The following ADCY2 variants were observed in gnomAD, a reference collection of about 807,000 sequenced individuals.
The protein encoded by ADCY2 is adenylate cyclase 2.
Under a neutral mutation model 125.2 loss-of-function variants are expected in ADCY2, and 31 were observed. The observed-to-expected ratio is 0.25, with a 90% CI of 0.19 to 0.33. ADCY2 has a LOEUF of 0.33. Among genes scored for constraint, ADCY2 ranks in the 10% least tolerant of loss-of-function variants. ADCY2 has a pLI of 1.00. For synonymous variants in ADCY2, 512 were observed against 548.4 expected, an observed-to-expected ratio of 0.93 and a Z score of 0.93; for missense variants, 904 against 1,418.2, an observed-to-expected ratio of 0.64 and a Z score of 5.82.
chr5:7,534,237 C>G (rs1734744687), intron 3 of ADCY2, among the ~76,000 whole-genome samples: 1 of 152,204 alleles, frequency 6.6e-6, no homozygotes, highest in Non-Finnish European at 1.5e-5. Flanking sequence ...CTCCTGGGCA[C>G]TGCTAGCTTT....
chr5:7,412,238 G>C (rs1739752825), intron 1 of ADCY2, among the ~76,000 whole-genome samples: 1 of 152,030 alleles, frequency 6.6e-6, no homozygotes, highest in Admixed American at 6.5e-5. Flanking sequence ...AGTCTTTCTG[G>C]AGATCTAAGA....
intron 4 of ADCY2, among the ~76,000 whole-genome samples, chr5:7,671,593 A>G (rs1435637382): frequency 6.6e-6 from 1 of 152,212 alleles, no homozygotes; most frequent in Non-Finnish European, 1.5e-5. Context: ...ATATGAATCA[A>G]ACTAATTGTA....
intron 4 of ADCY2, among the ~76,000 whole-genome samples, chr5:7,683,108 G>A (rs541246274): frequency 6.6e-6 from 1 of 152,248 alleles, no homozygotes; most frequent in South Asian, 2.1e-4. Context: ...TACCAGTGTG[G>A]GCTTCAAAGT....
intron 4 of ADCY2, among the ~76,000 whole-genome samples, chr5:7,660,652 A>G (rs989931344): frequency 1.3e-5 from 2 of 152,184 alleles, no homozygotes; most frequent in Non-Finnish European, 2.9e-5. Flanking sequence ...GTTTGGAGGT[A>G]GAATTCTTTC....
chr5:7,644,538 G>A (rs984856493), intron 4 of ADCY2, among the ~76,000 whole-genome samples: 7 of 151,992 alleles, frequency 4.6e-5, no homozygotes, highest in African/African-American at 1.7e-4. Flanking sequence ...TGGATTATTG[G>A]CTTTCAATTC....
chr5:7,579,748 A>G (rs1427080386), intron 3 of ADCY2, among the ~76,000 whole-genome samples: 2 of 152,246 alleles, frequency 1.3e-5, no homozygotes, highest in Non-Finnish European at 2.9e-5. Context: ...AAAAATGACC[A>G]TGTTAAAAAA....
Position 7,757,517 on chromosome 5 carries a change from C to A in ADCY2, c.2025C>A (p.Arg675=). Residue 675 remains arginine (R), a synonymous_variant, in exon 16 of 25, where the codon CGC becomes CGA. Transcript: ENST00000338316. Reference sequence around the variant, plus strand: ...AGTCCTCGGGCATCATTGCCAACCGCCCCTGGCCACGGATCTCTCTCACGA... The same window carrying A: ...AGTCCTCGGGCATCATTGCCAACCGACCCTGGCCACGGATCTCTCTCACGA... The part of the protein sequence containing the change: ...LLKSSGIIAN[R]PWPRISLTII... 2.5e-6 allele frequency: 4 copies of A among 1,614,138 alleles called. No individual in the cohort carries two copies. Among genetic ancestry groups the A allele is most frequent in the Non-Finnish European group, 2.5e-6 (3 of 1,180,032 alleles).
chr5:7,617,164 T>C (rs1294794065), intron 3 of ADCY2, among the ~76,000 whole-genome samples: 1 of 152,174 alleles, frequency 6.6e-6, no homozygotes, highest in East Asian at 1.9e-4. Flanking sequence ...ATTCCTCCCC[T>C]GCAGAGGCTG....
At chr5:7,822,205 A>C (rs553194026) in intron 24 of ADCY2, among the ~76,000 whole-genome samples, 2 of 152,252 alleles carry the variant, frequency 1.3e-5, no homozygotes, top group African/African-American at 4.8e-5. Flanking sequence ...CATGTTCACA[A>C]GGTTTAGATG....
At chr5:7,730,394 T>A (rs941881824) in intron 14 of ADCY2, among the ~76,000 whole-genome samples, 1 of 152,216 alleles carries the variant, frequency 6.6e-6, no homozygotes, top group Admixed American at 6.5e-5. Flanking sequence ...TTCAATGTCA[T>A]TATTTCCTAG....
At chr5:7,629,822 C>T (rs564381350) in intron 4 of ADCY2, among the ~76,000 whole-genome samples, 2 of 152,226 alleles carry the variant, frequency 1.3e-5, no homozygotes, top group African/African-American at 4.8e-5. Context: ...GTAATAGGCT[C>T]TCAGGAATTA....
intron 3 of ADCY2, among the ~76,000 whole-genome samples, chr5:7,616,359 C>T (rs1271905240): frequency 6.6e-6 from 1 of 152,166 alleles, no homozygotes; most frequent in African/African-American, 2.4e-5. Context: ...ACTCTGAGAA[C>T]CTAGTGGCTG....
intron 4 of ADCY2, among the ~76,000 whole-genome samples, chr5:7,629,277 A>G (rs1281377280): frequency 1.3e-5 from 2 of 152,202 alleles, no homozygotes; most frequent in African/African-American, 2.4e-5. Context: ...TGGAGAGGAT[A>G]CAGTGGCGGG....
At chr5:7,678,324 A>G (rs1437333673) in intron 4 of ADCY2, among the ~76,000 whole-genome samples, 1 of 152,160 alleles carries the variant, frequency 6.6e-6, no homozygotes, top group East Asian at 1.9e-4. Context: ...GATGTGATTA[A>G]CATGAGCGCT....
chr5:7,732,163 G>T (rs1742123487), intron 14 of ADCY2, among the ~76,000 whole-genome samples: 1 of 152,206 alleles, frequency 6.6e-6, no homozygotes, highest in Non-Finnish European at 1.5e-5. Flanking sequence ...CTTAGACTAA[G>T]GTTCCTGCAC....
At chr5:7,769,873 G>T (rs1743505039) in intron 17 of ADCY2, among the ~76,000 whole-genome samples, 1 of 152,168 alleles carries the variant, frequency 6.6e-6, no homozygotes, top group Non-Finnish European at 1.5e-5. Flanking sequence ...GTCAAAACTG[G>T]TAAACATTAC....
intron 3 of ADCY2, among the ~76,000 whole-genome samples, chr5:7,546,287 A>G (rs968022227): frequency 1.3e-5 from 2 of 152,234 alleles, no homozygotes; most frequent in African/African-American, 4.8e-5. Context: ...GTAACGCATG[A>G]CTAAATACAT....
chr5:7,726,881 A>C (rs1036967264), intron 13 of ADCY2, among the ~76,000 whole-genome samples: 1 of 152,196 alleles, frequency 6.6e-6, no homozygotes, highest in Non-Finnish European at 1.5e-5. Flanking sequence ...CCTTCTGGTC[A>C]GGTGCCTCTC....
chr5:7,498,373 C>G (rs1165075180), intron 2 of ADCY2, among the ~76,000 whole-genome samples: 2 of 151,404 alleles, frequency 1.3e-5, no homozygotes, highest in African/African-American at 4.8e-5. Flanking sequence ...CTCAGCCTCC[C>G]AAGTAGCTGG....
Sources: gnomAD v4.1 joint callset for allele counts (sites outside exome capture counted in the v4.1 genomes callset) on GRCh38, gnomAD v4.1.1 for gene constraint, MANE v1.5 for transcripts, NCBI Gene and HGNC (gene_info 2026-07-23, HGNC 2026-07-21) for gene names.